Variants in FRMD4A observed in about 807,000 individuals in gnomAD.
FRMD4A encodes the protein FERM domain-containing protein 4A.
Under a neutral mutation model 129.1 loss-of-function variants are expected in FRMD4A, and 29 were observed. The observed-to-expected ratio is 0.22, with a 90% CI of 0.17 to 0.31. The LOEUF (loss-of-function observed/expected upper bound fraction) is 0.31. Among genes scored for constraint, FRMD4A ranks in the 10% least tolerant of loss-of-function variants. The pLI is 1.00. For missense variants in FRMD4A, 1,272 were observed against 1,375.8 expected, an observed-to-expected ratio of 0.92 and a Z score of 1.19; for synonymous variants, 634 against 571.6, an observed-to-expected ratio of 1.11 and a Z score of -1.56.
chr10:13,685,023 C>T, intron 15 of FRMD4A: 1 of 984,224 alleles, frequency 1.0e-6, no homozygotes, highest in Non-Finnish European at 1.2e-6. Context: ...TTGACAAATC[C>T]TCAGTGATGA....
chr10:14,322,436 G>A (rs1843097496), intron 2 of FRMD4A, among the ~76,000 whole-genome samples: 1 of 152,194 alleles, frequency 6.6e-6, no homozygotes, highest in Non-Finnish European at 1.5e-5. Context: ...GAATAAATCT[G>A]ATAAAGCATT....
At chr10:13,866,278 C>T (rs1397575394) in intron 2 of FRMD4A, 1 of 982,656 alleles carries the variant, frequency 1.0e-6, no homozygotes, top group Non-Finnish European at 1.2e-6. Flanking sequence ...AGCACGTCTT[C>T]CCCGAGCACA....
intron 15 of FRMD4A, 55 bp downstream of exon 15, chr10:13,693,843 C>T: frequency 6.3e-7 from 1 of 1,586,872 alleles, no homozygotes; most frequent in Admixed American, 1.7e-5. Flanking sequence ...TCCTGGGTCC[C>T]CTCTGGGGTC....
At chr10:13,679,743 G>C (rs1237431467) in intron 15 of FRMD4A, among the ~76,000 whole-genome samples, 2 of 151,920 alleles carry the variant, frequency 1.3e-5, no homozygotes, top group Non-Finnish European at 2.9e-5. Flanking sequence ...CACTGTTCTG[G>C]GGCAAGGGCT....
chr10:14,142,233 C>T (rs945653037), intron 2 of FRMD4A, among the ~76,000 whole-genome samples: 2 of 152,110 alleles, frequency 1.3e-5, no homozygotes, highest in Non-Finnish European at 1.5e-5. Flanking sequence ...GTCATGCAAT[C>T]GTGGTTATTC....
intron 2 of FRMD4A, among the ~76,000 whole-genome samples, chr10:13,927,882 C>T (rs1056221596): frequency 6.6e-6 from 1 of 151,958 alleles, no homozygotes; most frequent in African/African-American, 2.4e-5. Context: ...AGATTTTTTT[C>T]CTTGATATTA....
chr10:13,961,540 T>C (rs2095445595), intron 2 of FRMD4A, among the ~76,000 whole-genome samples: 2 of 152,258 alleles, frequency 1.3e-5, no homozygotes, highest in Non-Finnish European at 2.9e-5. Flanking sequence ...TGTCCTCCCA[T>C]CTGCCATAGC....
chr10:13,853,928 G>T (rs937223882), intron 3 of FRMD4A, among the ~76,000 whole-genome samples: 2 of 151,504 alleles, frequency 1.3e-5, no homozygotes, highest in Non-Finnish European at 2.9e-5. Context: ...CTGAAACGAA[G>T]CCTGTCTAGC....
intron 9 of FRMD4A, among the ~76,000 whole-genome samples, chr10:13,747,493 C>A (rs915521385): frequency 2.7e-5 from 4 of 147,768 alleles, no homozygotes; most frequent in Non-Finnish European, 4.4e-5. Flanking sequence ...CATGCCACTG[C>A]ACTCCAGCCT....
chr10:13,994,489 A>G (rs1346921841), intron 2 of FRMD4A, among the ~76,000 whole-genome samples: 2 of 151,872 alleles, frequency 1.3e-5, no homozygotes, highest in East Asian at 3.9e-4. Flanking sequence ...TGCCCAGCTA[A>G]GTTTTGTACT....
chr10:14,059,641 G>A (rs2131700090), intron 2 of FRMD4A, among the ~76,000 whole-genome samples: 1 of 152,260 alleles, frequency 6.6e-6, no homozygotes, highest in Admixed American at 6.5e-5. Flanking sequence ...CTACTGTTTA[G>A]GCCACCCAGT....
intron 2 of FRMD4A, among the ~76,000 whole-genome samples, chr10:13,886,167 C>T (rs183897702): frequency 3.3e-5 from 5 of 152,176 alleles, no homozygotes; most frequent in South Asian, 2.1e-4. Context: ...GGCAACTCGC[C>T]GATTATTATT....
At chr10:13,937,476 C>T (rs775935816) in intron 2 of FRMD4A, among the ~76,000 whole-genome samples, 6 of 152,174 alleles carry the variant, frequency 3.9e-5, no homozygotes, top group Non-Finnish European at 8.8e-5. Flanking sequence ...ATACTTACAG[C>T]GGTGTTCCTT....
intron 6 of FRMD4A, among the ~76,000 whole-genome samples, chr10:13,765,620 G>A (rs1328517069): frequency 2.0e-5 from 3 of 152,246 alleles, no homozygotes; most frequent in South Asian, 2.1e-4. Flanking sequence ...GAGAGCCTAC[G>A]GAAGAATTGG....
At chr10:13,822,916 C>A (rs1251691475) in intron 3 of FRMD4A, among the ~76,000 whole-genome samples, 2 of 152,104 alleles carry the variant, frequency 1.3e-5, no homozygotes, top group Admixed American at 6.5e-5. Context: ...AGTGACTCTG[C>A]CATTTAACCC....
intron 2 of FRMD4A, among the ~76,000 whole-genome samples, chr10:14,239,393 C>G (rs1489205612): frequency 6.6e-6 from 1 of 152,042 alleles, no homozygotes; most frequent in African/African-American, 2.4e-5. Context: ...TTTGGGAGGC[C>G]GAGGCGGGCG....
At chr10:14,083,086 G>A (rs766992447) in intron 2 of FRMD4A, 6 of 152,232 alleles carry the variant, frequency 3.9e-5, no homozygotes, top group Non-Finnish European at 7.4e-5. Flanking sequence ...CCCCTGCCTC[G>A]ATCACTAAAA....
At chr10:14,312,996 G>C (rs1012123168) in intron 2 of FRMD4A, among the ~76,000 whole-genome samples, 3 of 152,164 alleles carry the variant, frequency 2.0e-5, no homozygotes, top group African/African-American at 4.8e-5. Flanking sequence ...GGAGTAGTAA[G>C]GAAACCTGGT....
chr10:14,056,279 G>A (rs1480436766), intron 2 of FRMD4A, among the ~76,000 whole-genome samples: 5 of 152,024 alleles, frequency 3.3e-5, no homozygotes, highest in East Asian at 1.9e-4. Context: ...TGATATGCCC[G>A]CCTCAGCCTC....
Sources: gnomAD v4.1 joint callset for allele counts (sites outside exome capture counted in the v4.1 genomes callset) on GRCh38, gnomAD v4.1.1 for gene constraint, MANE v1.5 for transcripts, NCBI Gene and HGNC (gene_info 2026-07-23, HGNC 2026-07-21) for gene names.